PEAK3: variants seen among roughly 807,000 people sequenced by gnomAD.
PEAK3 encodes the protein protein PEAK3.
In PEAK3, 15 loss-of-function variants were observed where a neutral mutation model predicts 13.3. The observed-to-expected ratio is 1.13, with a 90% CI of 0.75 to 1.73. The LOEUF (loss-of-function observed/expected upper bound fraction) is 1.73, where lower values mean the gene tolerates loss of function less well. Ranked by LOEUF, PEAK3 falls within the 40% of genes most tolerant of loss-of-function variation. PEAK3 has a pLI of 0.00. For missense variants in PEAK3, 739 were observed against 690.2 expected (o/e 1.07, Z -0.79); for synonymous variants, 347 against 341.9 (o/e 1.01, Z -0.17).
rs1053801906 is a variant in PEAK3, at chr19:2,275,485, G to C, written c.*195C>G. On this transcript the variant is annotated 3_prime_UTR_variant, in exon 4 of 4. Coordinates refer to ENST00000342063, the MANE Select transcript of PEAK3 (RefSeq NM_198532.3). ...GCCAGCCCCCAGCCCTGGAGGGGCA[G>C]CTGCATTCCTGGGAAGCCCTTGACC... The C allele has an allele frequency of 2.2e-6, 1 of 449,684 alleles. No homozygotes were observed. The allele number at this position is 449,684 out of a possible 1,614,324, so 27.9% of individuals were successfully genotyped here.
chr19:2,275,868 GTGCT>G lies in PEAK3; in HGVS notation c.1230_1233del (p.Ala411ArgfsTer24). The G allele has an allele frequency of 6.9e-7, 1 of 1,458,222 alleles. No homozygotes were observed. Among genetic ancestry groups the G allele is most frequent in the Non-Finnish European group, 9.0e-7 (1 of 1,112,194 alleles). The allele number at this position is 1,458,222 out of a possible 1,614,324, so 90.3% of individuals were successfully genotyped here. A position where few individuals can be genotyped will look rare whatever the true frequency, so the allele number is the denominator to read the frequency against. On this transcript the variant is annotated frameshift_variant, in exon 4 of 4. Coordinates refer to ENST00000342063, the MANE Select transcript of PEAK3 (RefSeq NM_198532.3). LOFTEE classifies it low-confidence loss of function (END_TRUNC). ...AGCGCTCGGAGCCAGGGACCAAGCG[GTGCT>G]CCGCGGCCGCGCAGCTCAGGCCCGG...
chr19:2,276,636 C>A, intron 3 of PEAK3, 147 bp from the exon 4 acceptor site: 1 of 640,546 alleles, frequency 1.6e-6, no homozygotes, highest in Non-Finnish European at 2.6e-6. Context: ...CCTCCAGCAG[C>A]AGGAGGTCAG....
At position 2,276,143 on chromosome 19, in the gene PEAK3, G is replaced by T; in HGVS notation, c.959C>A (p.Thr320Lys). 2.6e-6 allele frequency: 4 copies of T among 1,542,462 alleles called. No individual in the cohort carries two copies. Among genetic ancestry groups the T allele is most frequent in the Non-Finnish European group, 2.6e-6 (3 of 1,144,984 alleles). ...GAGGAGCAGGCGTGGGGGCCCCGTC[G>T]TCGCACAGCCCCGAGGTGCCACCAG... ...LLLVAPRGCA[T>K]TGPPRLLLTD... The change falls in exon 4 of 4, where the codon ACG becomes AAG. Residue 320 changes from threonine to lysine, a missense_variant. By Grantham distance (78) the Thr-to-Lys change is moderately conservative. Coordinates refer to ENST00000342063, the MANE Select transcript of PEAK3 (RefSeq NM_198532.3).
chr19:2,277,855 GTGC>G (rs1360206949), intron 3 of PEAK3, among the ~76,000 whole-genome samples: 2 of 144,372 alleles, frequency 1.4e-5, no homozygotes, highest in Non-Finnish European at 3.0e-5. Flanking sequence ...GTCAGCCACT[GTGC>G]TGCCCAGCCT....
chr19:2,281,036 G>A, intron 1 of PEAK3, 101 bp from the exon 2 acceptor site: 2 of 696,186 alleles, frequency 2.9e-6, no homozygotes, highest in Non-Finnish European at 4.7e-6. Context: ...AGACCGTCGA[G>A]GCCTCCTGCT....
Position 2,275,621 on chromosome 19 carries a change from C to G in PEAK3, c.*59G>C. The stretch of plus-strand genomic sequence containing the variant: ...TTGGCTATCATGGAGACGCTGACCT[C>G]AGCCCCAGCCCTGCCTCCTGGGCAG... On this transcript the variant is annotated 3_prime_UTR_variant, in exon 4 of 4. Coordinates refer to ENST00000342063, the MANE Select transcript of PEAK3 (RefSeq NM_198532.3). 7.5e-7 allele frequency: 1 copy of G among 1,337,362 alleles called. No individual in the cohort carries two copies. The highest frequency in any genetic ancestry group is 9.7e-7 in the Non-Finnish European group (1 of 1,035,706). 82.8% of individuals were successfully genotyped at this position (1,337,362 alleles called of 1,614,324 possible).
chr19:2,279,259 CT>C, intron 2 of PEAK3, 146 bp from the exon 3 acceptor site: 1 of 640,226 alleles, frequency 1.6e-6, no homozygotes, highest in Non-Finnish European at 2.3e-6. Flanking sequence ...AATCCCAGCA[CT>C]TAGGAAGGTG....
chr19:2,275,522 C>T lies in PEAK3; in HGVS notation c.*158G>A. 1.6e-6 allele frequency: 1 copy of T among 631,854 alleles called. No individual in the cohort carries two copies. Among genetic ancestry groups the T allele is most frequent in the Non-Finnish European group, 2.3e-6 (1 of 433,142 alleles). The allele number at this position is 631,854 out of a possible 1,614,324, so 39.1% of individuals were successfully genotyped here. A position where few individuals can be genotyped will look rare whatever the true frequency, so the allele number is the denominator to read the frequency against. ...GGAAGCCCTTGACCCACATCCCCAG[C>T]ACGGGAGGGGAGGCTCTGGAGTGGG... On this transcript the variant is annotated 3_prime_UTR_variant, in exon 4 of 4. Coordinates refer to ENST00000342063, the MANE Select transcript of PEAK3 (RefSeq NM_198532.3).
intron 1 of PEAK3, among the ~76,000 whole-genome samples, 167 bp from the exon 2 acceptor site, chr19:2,281,102 G>A (rs1243858729): frequency 6.6e-6 from 1 of 152,198 alleles, no homozygotes; most frequent in Non-Finnish European, 1.5e-5. Flanking sequence ...GTCCAGTTTT[G>A]ACCCTGCTGT....
intron 3 of PEAK3, 134 bp from the exon 4 acceptor site, chr19:2,276,623 A>G: frequency 1.5e-6 from 1 of 688,294 alleles, no homozygotes; most frequent in Non-Finnish European, 2.3e-6. Flanking sequence ...GGCTGCCTGC[A>G]TCCCTCCAGC....
intron 2 of PEAK3, among the ~76,000 whole-genome samples, chr19:2,279,635 G>T (rs144669115): frequency 6.6e-6 from 1 of 151,550 alleles, no homozygotes; most frequent in Non-Finnish European, 1.5e-5. Context: ...CAGCCTGGGC[G>T]GCAGAGCTTA....
Position 2,278,913 on chromosome 19 carries a change from T to C in PEAK3, c.283A>G (p.Ser95Gly). 2 of 1,602,766 alleles carry C rather than the reference T, an allele frequency of 1.2e-6. No individual in the cohort carries two copies. Among genetic ancestry groups the C allele is most frequent in the South Asian group, 1.1e-5 (1 of 89,342 alleles). The change falls in exon 3 of 4, where the codon AGT becomes GGT. Residue 95 changes from serine (S) to glycine (G), a missense_variant. By Grantham distance (56) the Ser-to-Gly change is moderately conservative. Transcript: ENST00000342063. ...PPRRPFLGSHSVDKSQAAVGP... is the reference protein window; with the variant it reads ...PPRRPFLGSHGVDKSQAAVGP... The stretch of plus-strand genomic sequence containing the variant: ...ACTGCAGCCTGGCTCTTGTCCACAC[T>C]GTGGGACCCCAGAAAGGGTCTCCGA...
At chr19:2,280,811 G>GC (rs1362162938) in intron 2 of PEAK3, 39 bp downstream of exon 2, 3 of 1,537,356 alleles carry the variant, frequency 2.0e-6, no homozygotes, top group Non-Finnish European at 2.7e-6. Flanking sequence ...GCCGCTCCCT[G>GC]CACCCCCGCA....
intron 2 of PEAK3, among the ~76,000 whole-genome samples, 163 bp downstream of exon 2, chr19:2,280,687 C>T (rs1198407043): frequency 6.6e-6 from 1 of 152,110 alleles, no homozygotes; most frequent in African/African-American, 2.4e-5. Context: ...CTGGCCTACT[C>T]CGGGCCTTCC....
chr19:2,281,034 G>C (rs1435302494), intron 1 of PEAK3, 99 bp from the exon 2 acceptor site: 5 of 701,912 alleles, frequency 7.1e-6, no homozygotes, highest in Admixed American at 3.2e-5. Context: ...GGAGACCGTC[G>C]AGGCCTCCTG....
chr19:2,279,341 C>G (rs1402326738), intron 2 of PEAK3, among the ~76,000 whole-genome samples: 3 of 152,118 alleles, frequency 2.0e-5, no homozygotes, highest in Admixed American at 6.5e-5. Context: ...GAGACCCTGT[C>G]TCTGCAAAAA....
intron 2 of PEAK3, among the ~76,000 whole-genome samples, chr19:2,279,368 C>T (rs1235550959): frequency 2.6e-5 from 4 of 152,028 alleles, no homozygotes; most frequent in South Asian, 2.1e-4. Context: ...AAAAATTTGC[C>T]GGACGCGGCC....
intron 1 of PEAK3, 105 bp from the exon 2 acceptor site, chr19:2,281,040 T>A: frequency 1.5e-6 from 1 of 676,398 alleles, no homozygotes; most frequent in South Asian, 1.9e-5. Flanking sequence ...CGTCGAGGCC[T>A]CCTGCTCCAG....
chr19:2,280,737 G>A (rs1333873350), intron 2 of PEAK3, 113 bp downstream of exon 2: 1 of 802,004 alleles, frequency 1.2e-6, no homozygotes, highest in Non-Finnish European at 2.0e-6. Context: ...TGTTCCCAGA[G>A]GCCATGGTGC....
Sources: allele counts gnomAD v4.1 joint callset (sites outside exome capture counted in the v4.1 genomes callset), GRCh38; gene constraint gnomAD v4.1.1; transcripts MANE v1.5; gene names NCBI Gene and HGNC (gene_info 2026-07-23, HGNC 2026-07-21).